The following SARDH variants were observed in gnomAD, a reference collection of about 807,000 sequenced individuals.
SARDH encodes sarcosine dehydrogenase, also known as sarcosine dehydrogenase, mitochondrial.
SARDH carries 95 observed loss-of-function variants against 109.1 expected under a neutral mutation model. That is an observed-to-expected ratio of 0.87 (90% CI 0.74 to 1.03). SARDH has a LOEUF of 1.03. Ranked by LOEUF, SARDH falls within the 50% of genes least tolerant of loss-of-function variation. The pLI, the probability that SARDH is intolerant of heterozygous loss-of-function variation, is 0.00. For missense variants in SARDH, 1,267 were observed against 1,287.8 expected, an observed-to-expected ratio of 0.98 and a Z score of 0.25; for synonymous variants, 572 against 534.8, an observed-to-expected ratio of 1.07 and a Z score of -0.96.
chr9:133,691,715 G>A (rs2131384210), intron 15 of SARDH, among the ~76,000 whole-genome samples: 1 of 152,314 alleles, frequency 6.6e-6, no homozygotes, highest in South Asian at 2.1e-4. Flanking sequence ...GTGATCTGAT[G>A]CAGCATGGGT....
intron 10 of SARDH, among the ~76,000 whole-genome samples, chr9:133,710,416 C>T (rs1324144685): frequency 2.6e-5 from 4 of 152,252 alleles, no homozygotes; most frequent in Non-Finnish European, 4.4e-5. Flanking sequence ...GGGACCCTCA[C>T]GCGCAGCCCG....
In SARDH at chr9:133,693,476, C is replaced by G. The variant is rs1165448931; in HGVS notation, c.1921+782G>C. On this transcript the variant is annotated intron_variant, in intron 15 of 20. Transcript: ENST00000439388. The surrounding 1 kb of genome is among the most constrained non-coding windows in gnomAD (Gnocchi z 5.6). ...GGCTGAGCCCTCCCCGCTGACTGTG[C>G]CCCTGCCCCGGGGACAGCACAGAGA... 6.6e-6 allele frequency among the ~76,000 whole-genome samples: 1 copy of G among 152,230 alleles called. No individual in the cohort carries two copies. Among genetic ancestry groups the G allele is most frequent in the Admixed American group, 6.5e-5 (1 of 15,284 alleles).
At chr9:133,694,018 G>A (rs530293852) in intron 15 of SARDH, among the ~76,000 whole-genome samples, 11 of 152,338 alleles carry the variant, frequency 7.2e-5, no homozygotes, top group Non-Finnish European at 1.2e-4. Flanking sequence ...CCGCAACAGC[G>A]TGGACAGGTT....
At chr9:133,731,522 G>T (rs1832682137) in intron 3 of SARDH, 38 bp from the exon 4 acceptor site, 1 of 1,603,866 alleles carries the variant, frequency 6.2e-7, no homozygotes, top group Admixed American at 1.7e-5. Context: ...AGTCCGTGGG[G>T]AGCAGACCCC....
Position 133,704,306 on chromosome 9 carries a change from C to G in SARDH, c.1554+642G>C, listed in dbSNP as rs2502745. On this transcript the variant is annotated intron_variant, in intron 12 of 20. Transcript: ENST00000439388. This position sits in a 1 kb window ranked among gnomAD's most constrained non-coding sequence, Gnocchi z 4.5. ...AGACGCAGCCCCGGGAAGGGGATTT[C>G]GATTTCTGTAAATCTGGATCAAATG... Among the ~76,000 whole-genome samples the G allele has an allele frequency of 0.63, 95,884 of 151,962 alleles. 30,351 individuals are homozygous for G. The highest frequency in any genetic ancestry group is 0.69 in the South Asian group (3,313 of 4,808).
At chr9:133,700,971 C>T (rs1166603953) in intron 13 of SARDH, among the ~76,000 whole-genome samples, 1 of 152,202 alleles carries the variant, frequency 6.6e-6, no homozygotes, top group East Asian at 1.9e-4. Context: ...TGCCGTGTGT[C>T]GGGAAGCTGT....
At chr9:133,714,215 G>A (rs866743022) in intron 8 of SARDH, among the ~76,000 whole-genome samples, 9 of 152,290 alleles carry the variant, frequency 5.9e-5, no homozygotes, top group Middle Eastern at 6.8e-3. Context: ...GTGCCGTCCC[G>A]CTCCCTGGAG....
chr9:133,729,710 G>T (rs1464513069), intron 6 of SARDH, 55 bp downstream of exon 6: 4 of 1,507,640 alleles, frequency 2.7e-6, no homozygotes, highest in Middle Eastern at 1.7e-4. Flanking sequence ...GGGATTCAGA[G>T]CCAGGTCTCT....
At chr9:133,678,100 C>T (rs1830579849) in intron 17 of SARDH, among the ~76,000 whole-genome samples, 1 of 152,228 alleles carries the variant, frequency 6.6e-6, no homozygotes, top group South Asian at 2.1e-4. Flanking sequence ...GGACCCCCCA[C>T]CTTGCCTGTC....
At chr9:133,715,805 C>T (rs146034182) in intron 8 of SARDH, among the ~76,000 whole-genome samples, 21 of 152,332 alleles carry the variant, frequency 1.4e-4, no homozygotes, top group African/African-American at 4.3e-4. Context: ...CCCTAGGCCA[C>T]CCTGCCGAGT....
At chr9:133,720,195 C>T (rs954446295) in intron 6 of SARDH, among the ~76,000 whole-genome samples, 3 of 152,044 alleles carry the variant, frequency 2.0e-5, no homozygotes, top group Non-Finnish European at 4.4e-5. Context: ...GGGAGGCCGA[C>T]ATGGGTGAAT....
chr9:133,690,508 G>A lies in SARDH; in HGVS notation c.1941C>T (p.Ala647=), dbSNP rs747368143. ...TGTGCTGGGCCACGGCCCCGCCCAT[G>A]GCCAGGTAGTAACCGTCCCCTGGAA... The part of the protein sequence containing the change: ...PAFEGDGYYL[A]MGGAVAQHNW... The change falls in exon 16 of 21, where the codon GCC becomes GCT. Residue 647 remains alanine (A), a synonymous_variant. Transcript: ENST00000439388. The A allele has an allele frequency of 1.2e-5, 19 of 1,605,062 alleles. No individual in the cohort carries two copies. The highest frequency in any genetic ancestry group is 4.0e-5 in the African/African-American group (3 of 74,872).
At position 133,664,287 on chromosome 9, in the gene SARDH, C is replaced by T. The variant is rs10993951; in HGVS notation, c.2632-273G>A. Among the ~76,000 whole-genome samples, 8 of 152,346 alleles carry T rather than the reference C, an allele frequency of 5.3e-5. No individual in the cohort carries two copies. The East Asian group carries it at 1.5e-3, about 29-fold the overall frequency. On this transcript the variant is annotated intron_variant, in intron 20 of 20. Transcript: ENST00000439388. The stretch of plus-strand genomic sequence containing the variant: ...CTTCCACCGGACAACACACCTCCCA[C>T]CCCAGCAATTCCAGATGCCTGGGAA...
At chr9:133,732,678 A>C in intron 2 of SARDH, 77 bp from the exon 3 acceptor site, 68 of 1,391,208 alleles carry the variant, frequency 4.9e-5, no homozygotes, top group Non-Finnish European at 6.5e-5. Context: ...ATCAGGGGAT[A>C]CCCTGATATT....
rs905868105 is a variant in SARDH, at chr9:133,704,561, G to A, written c.1554+387C>T. On this transcript the variant is annotated intron_variant, in intron 12 of 20. Transcript: ENST00000439388. This position sits in a 1 kb window ranked among gnomAD's most constrained non-coding sequence, Gnocchi z 4.5. ...CTCCTACGGACATAAACCAACAGTC[G>A]GAGTGGCCAAAAATAGATGCACAGA... Among the ~76,000 whole-genome samples, 2 of 152,086 alleles carry A rather than the reference G, an allele frequency of 1.3e-5. No homozygotes were observed. Among genetic ancestry groups the A allele is most frequent in the African/African-American group, 2.4e-5 (1 of 41,392 alleles).
intron 20 of SARDH, among the ~76,000 whole-genome samples, chr9:133,665,264 A>G (rs901612319): frequency 1.3e-5 from 2 of 152,156 alleles, no homozygotes; most frequent in African/African-American, 4.8e-5. Flanking sequence ...CTGACTCCGG[A>G]GAAAGGCGAG....
chr9:133,669,621 G>C (rs760310214), intron 19 of SARDH, among the ~76,000 whole-genome samples: 54 of 152,206 alleles, frequency 3.5e-4, no homozygotes, highest in Non-Finnish European at 6.2e-4. Flanking sequence ...CCAGCAGCAT[G>C]CTCAAAGCCA....
chr9:133,670,085 T>C lies in SARDH; in HGVS notation c.2495+499A>G, dbSNP rs530390704. On this transcript the variant is annotated intron_variant, in intron 19 of 20. Coordinates refer to ENST00000439388, the MANE Select transcript of SARDH (RefSeq NM_001134707.2). ...TCCTCACGCTTGTAATCCCAGCACT[T>C]TGGGAGGCCGAGGCAGGCAGATCAC... 1.1e-4 allele frequency among the ~76,000 whole-genome samples: 16 copies of C among 152,226 alleles called. No homozygotes were observed. In the South Asian group the frequency reaches 3.1e-3, roughly 30 times the overall value.
Position 133,708,339 on chromosome 9 carries a change from G to A in SARDH, c.1418C>T (p.Pro473Leu). ...GCGCCCGGCCAGCGGCTCATCGTGG[G>A]GGAAGACGACGGAGTAGTTCTTGGC... is the stretch of plus-strand genomic sequence containing the variant. ...SYAKNYSVVF[P>L]HDEPLAGRNM... The change falls in exon 11 of 21, where the codon CCC (proline) becomes CTC (leucine). Residue 473 changes from proline to leucine, a missense_variant. Transcript: ENST00000439388. 6.2e-7 allele frequency: 1 copy of A among 1,613,380 alleles called. No homozygotes were observed. Among genetic ancestry groups the A allele is most frequent in the Non-Finnish European group, 8.5e-7 (1 of 1,179,734 alleles).
Sources: gnomAD v4.1 joint callset for allele counts (sites outside exome capture counted in the v4.1 genomes callset) on GRCh38, gnomAD v4.1.1 for gene constraint, Gnocchi (gnomAD v3.1) non-coding constraint, MANE v1.5 for transcripts, NCBI Gene and HGNC (gene_info 2026-07-23, HGNC 2026-07-21) for gene names.